Variants in KCTD8 observed in about 807,000 individuals in gnomAD.
The protein encoded by KCTD8 is BTB/POZ domain-containing protein KCTD8.
Under a neutral mutation model 31.5 loss-of-function variants are expected in KCTD8, and 27 were observed. That is an observed-to-expected ratio of 0.86 (90% CI 0.63 to 1.18). KCTD8 has a LOEUF of 1.18. Among genes scored for constraint, KCTD8 ranks in the 50% most tolerant of loss-of-function variants. KCTD8 has a pLI of 0.00. For synonymous variants in KCTD8, 290 were observed against 280.0 expected (o/e 1.04, Z -0.36); for missense variants, 658 against 647.7 (o/e 1.02, Z -0.17).
intron 1 of KCTD8, among the ~76,000 whole-genome samples, chr4:44,301,056 T>C (rs1717601742): frequency 6.6e-6 from 1 of 151,960 alleles, no homozygotes; most frequent in African/African-American, 2.4e-5. Flanking sequence ...TCATCATTTT[T>C]TATGGCTGCA....
chr4:44,394,851 C>A (rs1019599567), intron 1 of KCTD8, among the ~76,000 whole-genome samples: 5 of 152,078 alleles, frequency 3.3e-5, no homozygotes, highest in Non-Finnish European at 5.9e-5. Flanking sequence ...GCAACATTTT[C>A]TCACATCACA....
intron 1 of KCTD8, among the ~76,000 whole-genome samples, chr4:44,197,077 G>A (rs1289498960): frequency 6.6e-6 from 1 of 152,116 alleles, no homozygotes; most frequent in Non-Finnish European, 1.5e-5. Flanking sequence ...GTCAGGCACA[G>A]CTCTGTGTTC....
chr4:44,291,895 A>G (rs1373674938), intron 1 of KCTD8, among the ~76,000 whole-genome samples: 4 of 151,546 alleles, frequency 2.6e-5, no homozygotes, highest in African/African-American at 7.3e-5. Flanking sequence ...ATCACTGATC[A>G]TCAGAGAAAT....
chr4:44,413,869 A>T (rs966841820), intron 1 of KCTD8, among the ~76,000 whole-genome samples: 2 of 152,194 alleles, frequency 1.3e-5, no homozygotes, highest in African/African-American at 4.8e-5. Flanking sequence ...TATAAACAAA[A>T]GAGAGGGACA....
chr4:44,213,949 G>A (rs1714567961), intron 1 of KCTD8, among the ~76,000 whole-genome samples: 3 of 152,148 alleles, frequency 2.0e-5, no homozygotes, highest in Admixed American at 6.5e-5. Context: ...TTCATTAGTA[G>A]AGGTACCTAT....
At chr4:44,432,754 T>C (rs1410632130) in intron 1 of KCTD8, among the ~76,000 whole-genome samples, 1 of 151,744 alleles carries the variant, frequency 6.6e-6, no homozygotes, top group Non-Finnish European at 1.5e-5. Context: ...AGTTCTGCAA[T>C]TTGTTACCAT....
chr4:44,330,913 T>C (rs369763492), intron 1 of KCTD8, among the ~76,000 whole-genome samples: 3 of 151,914 alleles, frequency 2.0e-5, no homozygotes, highest in African/African-American at 7.2e-5. Flanking sequence ...ACAAATGCAG[T>C]TTCCCAGAGA....
intron 1 of KCTD8, among the ~76,000 whole-genome samples, chr4:44,264,869 G>C (rs1448878957): frequency 2.6e-5 from 4 of 152,210 alleles, no homozygotes; most frequent in Non-Finnish European, 5.9e-5. Flanking sequence ...GGCTTGCTTA[G>C]GTAAACAAAG....
At chr4:44,265,137 A>AC (rs1268757740) in intron 1 of KCTD8, among the ~76,000 whole-genome samples, 2 of 151,944 alleles carry the variant, frequency 1.3e-5, no homozygotes, top group African/African-American at 4.8e-5. Flanking sequence ...ACTAGGAGGC[A>AC]CCCCCCAGTA....
At chr4:44,229,696 C>CT (rs140239650) in intron 1 of KCTD8, among the ~76,000 whole-genome samples, 8,584 of 151,378 alleles carry the variant, frequency 0.057, 268 homozygotes, top group Middle Eastern at 0.11. Flanking sequence ...GTTCTAAAGC[C>CT]TTTTTTTTTC....
At chr4:44,215,290 T>A (rs1383069096) in intron 1 of KCTD8, among the ~76,000 whole-genome samples, 7 of 152,212 alleles carry the variant, frequency 4.6e-5, no homozygotes, top group Admixed American at 4.6e-4. Context: ...AAGGAGAACC[T>A]GTTGGGCAGT....
At chr4:44,212,155 C>T (rs893206824) in intron 1 of KCTD8, among the ~76,000 whole-genome samples, 4 of 151,984 alleles carry the variant, frequency 2.6e-5, no homozygotes, top group African/African-American at 4.8e-5. Context: ...CTGAAAGTGG[C>T]GAGGGTTACA....
intron 1 of KCTD8, among the ~76,000 whole-genome samples, chr4:44,306,299 T>C (rs938829638): frequency 7.2e-5 from 11 of 152,066 alleles, no homozygotes; most frequent in Non-Finnish European, 1.2e-4. Context: ...CTTCTTAGTA[T>C]GATACTATCA....
intron 1 of KCTD8, among the ~76,000 whole-genome samples, chr4:44,287,241 A>C (rs968009870): frequency 1.4e-4 from 21 of 152,116 alleles, no homozygotes; most frequent in African/African-American, 4.8e-4. Context: ...AAAATAGCGA[A>C]ACCTTATCTC....
At chr4:44,292,036 TATA>T (rs1717295481) in intron 1 of KCTD8, among the ~76,000 whole-genome samples, 1 of 148,204 alleles carries the variant, frequency 6.7e-6, no homozygotes, top group African/African-American at 2.5e-5. Context: ...TTGGTGGGAA[TATA>T]AGTTATTCAT....
At chr4:44,245,442 A>C (rs1427283552) in intron 1 of KCTD8, among the ~76,000 whole-genome samples, 2 of 152,126 alleles carry the variant, frequency 1.3e-5, no homozygotes, top group Non-Finnish European at 2.9e-5. Context: ...TCTTATATTT[A>C]GCTAGCAAAT....
At chr4:44,414,764 G>A (rs1355792350) in intron 1 of KCTD8, among the ~76,000 whole-genome samples, 1 of 152,164 alleles carries the variant, frequency 6.6e-6, no homozygotes, top group Non-Finnish European at 1.5e-5. Context: ...CTCCAGTGTT[G>A]AAGGTAGGGC....
At chr4:44,232,012 C>T (rs1715131926) in intron 1 of KCTD8, among the ~76,000 whole-genome samples, 1 of 151,922 alleles carries the variant, frequency 6.6e-6, no homozygotes, top group Non-Finnish European at 1.5e-5. Flanking sequence ...ATCTTTAGTT[C>T]CCAAGTTTAC....
intron 1 of KCTD8, among the ~76,000 whole-genome samples, chr4:44,315,538 A>G (rs1455387071): frequency 6.6e-6 from 1 of 152,126 alleles, no homozygotes; most frequent in East Asian, 1.9e-4. Context: ...GATAAGATTC[A>G]CTAGTTACTC....
Sources: allele counts gnomAD v4.1 joint callset (sites outside exome capture counted in the v4.1 genomes callset), GRCh38; gene constraint gnomAD v4.1.1; transcripts MANE v1.5; gene names NCBI Gene and HGNC (gene_info 2026-07-23, HGNC 2026-07-21).